PCOLCE2: variants seen among roughly 807,000 people sequenced by gnomAD.
PCOLCE2 encodes the protein procollagen C-proteinase enhancer 2.
A neutral mutation model predicts 47.0 loss-of-function variants in PCOLCE2; 42 were observed. That is an observed-to-expected ratio of 0.89 (90% CI 0.70 to 1.16). The LOEUF (loss-of-function observed/expected upper bound fraction) is 1.16. PCOLCE2 is among the 50% of genes most tolerant of loss of function. The pLI, the probability that PCOLCE2 is intolerant of heterozygous loss-of-function variation, is 0.00. For synonymous variants in PCOLCE2, 169 were observed against 191.7 expected (o/e 0.88, Z 0.98); for missense variants, 500 against 526.1 (o/e 0.95, Z 0.49).
chr3:142,827,032 T>A (rs949839220), intron 6 of PCOLCE2: 3 of 841,858 alleles, frequency 3.6e-6, no homozygotes, highest in Non-Finnish European at 5.8e-6. Context: ...GTTTCAACTA[T>A]CTATATATTG....
chr3:142,829,786 A>G lies in PCOLCE2; in HGVS notation c.771T>C (p.Thr257=). Residue 257 remains threonine, a synonymous_variant, in exon 6 of 9, where the codon ACT becomes ACC. Transcript: ENST00000295992. ...LIQFLSDLSL[T]ADGFIGHYIF... is the part of the protein sequence containing the mutation. ...TGTAGTGACCAATAAACCCATCTGC[A>G]GTTAAACTTAAGTCTGATAAAAACT... 6.2e-7 allele frequency: 1 copy of G among 1,607,662 alleles called. No homozygotes were observed. The highest frequency in any genetic ancestry group is 8.5e-7 in the Non-Finnish European group (1 of 1,175,008).
At position 142,848,480 on chromosome 3, in the gene PCOLCE2, G is replaced by A; in HGVS notation, c.193-8C>T. 1 of 1,591,886 alleles carries A rather than the reference G, an allele frequency of 6.3e-7. No individual in the cohort carries two copies. The highest frequency in any genetic ancestry group is 1.1e-5 in the South Asian group (1 of 89,608). The stretch of plus-strand genomic sequence containing the variant: ...TACTTTTCCTTCGGGAACCTGCCAA[G>A]AAAAGCGCCAATTAGAAAACTGTCA... On this transcript the variant is annotated splice_polypyrimidine_tract_variant and splice_region_variant and intron_variant, in intron 2 of 8. Transcript: ENST00000295992.
At chr3:142,825,196 G>T (rs1260954007) in intron 6 of PCOLCE2, among the ~76,000 whole-genome samples, 1 of 152,108 alleles carries the variant, frequency 6.6e-6, no homozygotes, top group Non-Finnish European at 1.5e-5. Flanking sequence ...TGTGTCTGAT[G>T]GTGAGCGCCC....
chr3:142,827,016 A>T, intron 6 of PCOLCE2: 1 of 759,416 alleles, frequency 1.3e-6, no homozygotes, highest in Non-Finnish European at 2.2e-6. Flanking sequence ...CTCGTTCTTG[A>T]TCATTGTTTC....
intron 2 of PCOLCE2, among the ~76,000 whole-genome samples, chr3:142,867,658 C>T (rs1371478015): frequency 6.6e-6 from 1 of 151,510 alleles, no homozygotes; most frequent in Non-Finnish European, 1.5e-5. Context: ...AAAATCACAA[C>T]GTGATATGAC....
chr3:142,845,384 T>G (rs1937315359), intron 3 of PCOLCE2, among the ~76,000 whole-genome samples: 1 of 152,190 alleles, frequency 6.6e-6, no homozygotes, highest in Non-Finnish European at 1.5e-5. Flanking sequence ...CACAACACAG[T>G]GCTAAGGTTT....
At chr3:142,839,425 GC>G (rs1220973701) in intron 4 of PCOLCE2, among the ~76,000 whole-genome samples, 1 of 151,782 alleles carries the variant, frequency 6.6e-6, no homozygotes, top group East Asian at 1.9e-4. Context: ...CAATTATCCT[GC>G]CTCAGCCTCC....
intron 2 of PCOLCE2, among the ~76,000 whole-genome samples, chr3:142,883,140 C>T (rs1173914961): frequency 7.4e-6 from 1 of 135,168 alleles, no homozygotes; most frequent in Non-Finnish European, 1.5e-5. Flanking sequence ...GCGGAGCTTG[C>T]AGTGAGCGAG....
At chr3:142,818,924 G>A (rs75700304) in intron 8 of PCOLCE2, among the ~76,000 whole-genome samples, 6,810 of 152,314 alleles carry the variant, frequency 0.045, 185 homozygotes, top group East Asian at 0.1. Context: ...CCGCGTTAAC[G>A]TGAAAGACTC....
chr3:142,866,280 G>C (rs192632630), intron 2 of PCOLCE2, among the ~76,000 whole-genome samples: 30 of 152,240 alleles, frequency 2.0e-4, no homozygotes, highest in African/African-American at 7.0e-4. Context: ...CTTCTTCCTT[G>C]AGCTGGGACA....
chr3:142,826,578 A>G (rs1328092128), intron 6 of PCOLCE2, among the ~76,000 whole-genome samples: 1 of 151,884 alleles, frequency 6.6e-6, no homozygotes, highest in Non-Finnish European at 1.5e-5. Flanking sequence ...CAGGTTCAAG[A>G]CTCTCAAAGC....
chr3:142,888,061 T>C (rs1040451787), intron 1 of PCOLCE2, among the ~76,000 whole-genome samples: 1 of 152,106 alleles, frequency 6.6e-6, no homozygotes, highest in African/African-American at 2.4e-5. Flanking sequence ...TGTAGGAAAA[T>C]GGTAAATACA....
intron 2 of PCOLCE2, among the ~76,000 whole-genome samples, chr3:142,878,882 G>C (rs1933552227): frequency 6.6e-6 from 1 of 151,252 alleles, no homozygotes; most frequent in African/African-American, 2.4e-5. Context: ...GAACTTCTTA[G>C]AATTAGGAGC....
At chr3:142,845,831 C>T (rs1937321874) in intron 3 of PCOLCE2, among the ~76,000 whole-genome samples, 1 of 152,086 alleles carries the variant, frequency 6.6e-6, no homozygotes, top group African/African-American at 2.4e-5. Context: ...AAAAATTAGC[C>T]AGGCATGGTG....
intron 3 of PCOLCE2, among the ~76,000 whole-genome samples, chr3:142,845,965 A>G (rs1391732670): frequency 1.3e-5 from 2 of 152,268 alleles, no homozygotes; most frequent in Non-Finnish European, 2.9e-5. Context: ...ACAAGAGTGA[A>G]ACTCAGTCTC....
chr3:142,826,155 C>T (rs1435748410), intron 6 of PCOLCE2, among the ~76,000 whole-genome samples: 2 of 152,122 alleles, frequency 1.3e-5, no homozygotes, highest in African/African-American at 4.8e-5. Flanking sequence ...CAGGTGCCCA[C>T]CACCACGCCC....
chr3:142,865,731 G>A (rs1160472640), intron 2 of PCOLCE2, among the ~76,000 whole-genome samples: 1 of 152,278 alleles, frequency 6.6e-6, no homozygotes, highest in Non-Finnish European at 1.5e-5. Flanking sequence ...ATATTATGTA[G>A]TCAGCAGGCT....
At chr3:142,847,999 C>T (rs537666627) in intron 3 of PCOLCE2, among the ~76,000 whole-genome samples, 26 of 152,266 alleles carry the variant, frequency 1.7e-4, no homozygotes, top group African/African-American at 5.8e-4. Context: ...TATGTAAGCT[C>T]CACATTTTTA....
chr3:142,836,001 ATTT>A (rs35613965), intron 5 of PCOLCE2, among the ~76,000 whole-genome samples: 2 of 151,992 alleles, frequency 1.3e-5, no homozygotes, highest in African/African-American at 4.8e-5. Context: ...TTTGCACTGA[ATTT>A]TTTGTCACTT....
Sources: gnomAD v4.1 joint callset for allele counts (sites outside exome capture counted in the v4.1 genomes callset) on GRCh38, gnomAD v4.1.1 for gene constraint, MANE v1.5 for transcripts, NCBI Gene and HGNC (gene_info 2026-07-23, HGNC 2026-07-21) for gene names.